Variants in LNP1 observed in about 807,000 individuals in gnomAD.
LNP1 encodes leukemia NUP98 fusion partner 1.
In LNP1, 12 loss-of-function variants were observed where a neutral mutation model predicts 14.5. The observed-to-expected ratio is 0.83, with a 90% CI of 0.53 to 1.34. LNP1 has a LOEUF of 1.34. Ranked by LOEUF, LNP1 falls within the 40% of genes most tolerant of loss-of-function variation. The pLI is 0.00. For synonymous variants in LNP1, 75 were observed against 71.4 expected (o/e 1.05, Z -0.26); for missense variants, 198 against 210.9 (o/e 0.94, Z 0.38).
intron 2 of LNP1, among the ~76,000 whole-genome samples, chr3:100,438,371 T>C (rs1437234207): frequency 6.6e-6 from 1 of 152,200 alleles, no homozygotes. Flanking sequence ...AGATTTTCCA[T>C]AGCCCCCATA....
At chr3:100,402,917 T>A (rs932423526) in intron 1 of LNP1, among the ~76,000 whole-genome samples, 1 of 152,212 alleles carries the variant, frequency 6.6e-6, no homozygotes, top group Admixed American at 6.5e-5. Flanking sequence ...TTTTTTGGAT[T>A]AATATTTATC....
At chr3:100,447,385 TG>T (rs1398243385) in intron 2 of LNP1, among the ~76,000 whole-genome samples, 2 of 151,848 alleles carry the variant, frequency 1.3e-5, no homozygotes, top group Non-Finnish European at 2.9e-5. Flanking sequence ...CACTCATAGG[TG>T]GGAATTGAAC....
At chr3:100,438,928 T>C (rs1253838352) in intron 2 of LNP1, among the ~76,000 whole-genome samples, 4 of 152,206 alleles carry the variant, frequency 2.6e-5, no homozygotes, top group Admixed American at 1.3e-4. Context: ...TGGGGAAAAT[T>C]ACCTTAGAAG....
chr3:100,412,046 C>G (rs942081771), intron 1 of LNP1, among the ~76,000 whole-genome samples: 2 of 152,158 alleles, frequency 1.3e-5, no homozygotes, highest in Non-Finnish European at 2.9e-5. Flanking sequence ...ATACCCGAGG[C>G]TGGGTAATTT....
At position 100,418,059 on chromosome 3, in the gene LNP1, A is replaced by ACTTTTTTTTTTTTTTTTTTT. The variant is rs565769310; in HGVS notation, c.-33-11638_-33-11637insCTTTTTTTTTTTTTTTTTTT. ...GTTTTGTTCTTTCATTTCTCATACC[A>ACTTTTTTTTTTTTTTTTTTT]TTTTTTTTTTTTTTTTTTGAGATGG... On this transcript the variant is annotated intron_variant, in intron 1 of 3. Coordinates refer to ENST00000383693, the MANE Select transcript of LNP1 (RefSeq NM_001085451.2). Among the ~76,000 whole-genome samples, 9 of 115,622 alleles carry ACTTTTTTTTTTTTTTTTTTT rather than the reference A, an allele frequency of 7.8e-5. 4 individuals are homozygous for ACTTTTTTTTTTTTTTTTTTT. Among genetic ancestry groups the ACTTTTTTTTTTTTTTTTTTT allele is most frequent in the African/African-American group, 6.5e-5 (2 of 30,766 alleles). 75.9% of individuals were successfully genotyped at this position (115,622 alleles called of 152,430 possible). A position where few individuals can be genotyped will look rare whatever the true frequency, so the allele number is the denominator to read the frequency against.
At chr3:100,419,289 A>G (rs918135949) in intron 1 of LNP1, among the ~76,000 whole-genome samples, 1 of 152,222 alleles carries the variant, frequency 6.6e-6, no homozygotes, top group African/African-American at 2.4e-5. Flanking sequence ...TTTTCTTGAT[A>G]TAAGTCATTT....
rs75763444 is a variant in LNP1 at position 100,430,698 on chromosome 3, G to A, written c.156+813G>A. On this transcript the variant is annotated intron_variant, in intron 2 of 3. Transcript: ENST00000383693. ...TCAATCCCCTGCTGTTGCCAACCCC[G>A]GAACCAAGTAAGTTTTGTTTGGGGT... is the stretch of plus-strand genomic sequence containing the variant. 5.2e-3 allele frequency among the ~76,000 whole-genome samples: 793 copies of A among 152,226 alleles called. 5 individuals are homozygous for A. Among genetic ancestry groups the A allele is most frequent in the Non-Finnish European group, 8.2e-3 (560 of 68,004 alleles).
intron 2 of LNP1, among the ~76,000 whole-genome samples, chr3:100,431,995 TATA>T (rs1707247047): frequency 1.0e-3 from 1 of 978 alleles, no homozygotes; most frequent in South Asian, 0.036. Context: ...ACCTTGTTTA[TATA>T]TATATATATA....
chr3:100,429,316 C>A (rs1707222151), intron 1 of LNP1, among the ~76,000 whole-genome samples: 1 of 152,122 alleles, frequency 6.6e-6, no homozygotes, highest in Admixed American at 6.5e-5. Context: ...AGCTGACAGG[C>A]ATATTGTGAG....
At chr3:100,421,701 A>G (rs1707145044) in intron 1 of LNP1, among the ~76,000 whole-genome samples, 1 of 152,204 alleles carries the variant, frequency 6.6e-6, no homozygotes, top group African/African-American at 2.4e-5. Context: ...CTTGTAAAAA[A>G]GAGAGAAATT....
In LNP1 at chr3:100,456,059, C is replaced by A; in HGVS notation, c.*133C>A. ...CAGCTATAAAAAGCAACTGCAGATG[C>A]TGACTGACTGCAGTGGGCAGGGTAT... On this transcript the variant is annotated 3_prime_UTR_variant, in exon 4 of 4. Transcript: ENST00000383693. 1 of 858,940 alleles carries A rather than the reference C, an allele frequency of 1.2e-6. No homozygotes were observed. Among genetic ancestry groups the A allele is most frequent in the Non-Finnish European group, 1.8e-6 (1 of 546,836 alleles). The allele number at this position is 858,940 out of a possible 1,614,324, so 53.2% of individuals were successfully genotyped here.
intron 2 of LNP1, among the ~76,000 whole-genome samples, chr3:100,434,451 T>C (rs1426286405): frequency 6.6e-6 from 1 of 152,160 alleles, no homozygotes; most frequent in African/African-American, 2.4e-5. Flanking sequence ...CTGTTACCTG[T>C]TACCATGCTG....
At chr3:100,419,509 T>C (rs1707123958) in intron 1 of LNP1, among the ~76,000 whole-genome samples, 1 of 152,004 alleles carries the variant, frequency 6.6e-6, no homozygotes, top group Admixed American at 6.6e-5. Context: ...TGTGTGTGTA[T>C]GTGTGTGTGT....
chr3:100,430,475 C>A (rs1707232781), intron 2 of LNP1, among the ~76,000 whole-genome samples: 1 of 152,208 alleles, frequency 6.6e-6, no homozygotes, highest in Admixed American at 6.5e-5. Flanking sequence ...AGCAGGAAAG[C>A]TCCCAAGAGG....
At position 100,455,829 on chromosome 3, in the gene LNP1, T is replaced by TA. The variant is rs535809787; in HGVS notation, c.444dup (p.Ser149IlefsTer12). 2.4e-4 allele frequency: 381 copies of TA among 1,613,890 alleles called. 1 individual carries two copies. The East Asian group carries it at 8.0e-3, about 34-fold the overall frequency. On this transcript the variant is annotated frameshift_variant, in exon 4 of 4. Transcript: ENST00000383693. LOFTEE classifies it low-confidence loss of function (END_TRUNC). ...GAAAGAGAATGCCTGAGGATGGAGA[T>TA]AAAATCCCGAAAGAAAGTAGAGGAA...
At chr3:100,404,944 C>T (rs750901373) in intron 1 of LNP1, among the ~76,000 whole-genome samples, 2 of 152,016 alleles carry the variant, frequency 1.3e-5, no homozygotes, top group African/African-American at 2.4e-5. Flanking sequence ...TGGCGCCCGC[C>T]ACCACACCTG....
chr3:100,415,328 G>A (rs1707072152), intron 1 of LNP1, among the ~76,000 whole-genome samples: 1 of 152,010 alleles, frequency 6.6e-6, no homozygotes, highest in Non-Finnish European at 1.5e-5. Context: ...ATGAGCAAAG[G>A]ATATAAACAA....
rs747919538 is a variant in LNP1, at chr3:100,455,856, A to G, written c.467A>G (p.Glu156Gly). 2.5e-6 allele frequency: 4 copies of G among 1,613,968 alleles called. No homozygotes were observed. Among genetic ancestry groups the G allele is most frequent in the Admixed American group, 1.7e-5 (1 of 59,998 alleles). The change falls in exon 4 of 4, where the codon GAA (glutamate) becomes GGA (glycine). Residue 156 changes from glutamate to glycine, a missense_variant. Glu to Gly is a moderately conservative substitution (Grantham distance 98). Coordinates refer to ENST00000383693, the MANE Select transcript of LNP1 (RefSeq NM_001085451.2). ...AAATCCCGAAAGAAAGTAGAGGAAG[A>G]AAGGAGCTCTAGGAAAGAAGAGCAT... ...EIKSRKKVEEERSSRKEEHGE... is the reference protein window; with the variant it reads ...EIKSRKKVEEGRSSRKEEHGE...
intron 1 of LNP1, among the ~76,000 whole-genome samples, chr3:100,404,420 A>G (rs1706944101): frequency 6.6e-6 from 1 of 152,320 alleles, no homozygotes; most frequent in Middle Eastern, 3.4e-3. Flanking sequence ...ACATGTGGCT[A>G]TTGAGCACTT....
Sources: gnomAD v4.1 joint callset for allele counts (sites outside exome capture counted in the v4.1 genomes callset) on GRCh38, gnomAD v4.1.1 for gene constraint, MANE v1.5 for transcripts, NCBI Gene and HGNC (gene_info 2026-07-23, HGNC 2026-07-21) for gene names.